Variants in WWOX observed in about 807,000 individuals in gnomAD.
WWOX encodes WW domain-containing oxidoreductase.
Under a neutral mutation model 46.2 loss-of-function variants are expected in WWOX, and 69 were observed. The observed-to-expected ratio is 1.49, with a 90% CI of 1.23 to 1.82. The LOEUF (loss-of-function observed/expected upper bound fraction) is 1.82, where lower values mean the gene tolerates loss of function less well. Ranked by LOEUF, WWOX falls within the 40% of genes most tolerant of loss-of-function variation. The probability of loss-of-function intolerance (pLI) is 0.00; values close to 1 mark genes in which losing one functional copy is unlikely to be tolerated. For synonymous variants in WWOX, 359 were observed against 202.6 expected (o/e 1.77, Z -6.56); for missense variants, 919 against 542.6 (o/e 1.69, Z -6.89).
chr16:79,066,487 A>G (rs2048444112), intron 8 of WWOX, among the ~76,000 whole-genome samples: 1 of 152,156 alleles, frequency 6.6e-6, no homozygotes, highest in African/African-American at 2.4e-5. Flanking sequence ...GAAGGACAGA[A>G]GGAAGGAAGG....
chr16:78,154,332 A>G (rs2034521536), intron 4 of WWOX, among the ~76,000 whole-genome samples: 2 of 152,126 alleles, frequency 1.3e-5, no homozygotes, highest in South Asian at 2.1e-4. Context: ...AAATAATAAT[A>G]TGAATAATAA....
At chr16:78,650,992 T>A (rs923985381) in intron 8 of WWOX, among the ~76,000 whole-genome samples, 2 of 152,232 alleles carry the variant, frequency 1.3e-5, no homozygotes, top group Non-Finnish European at 2.9e-5. Context: ...TTCGTAAGCT[T>A]AGGACTGATA....
intron 8 of WWOX, among the ~76,000 whole-genome samples, chr16:78,983,626 A>G (rs534781437): frequency 6.6e-6 from 1 of 152,102 alleles, no homozygotes. Flanking sequence ...TCCTGGTGTT[A>G]GATTTGGCCT....
intron 8 of WWOX, among the ~76,000 whole-genome samples, chr16:79,178,710 G>C (rs4888937): frequency 0.53 from 80,513 of 151,604 alleles, 22,081 homozygotes; most frequent in East Asian, 0.91. Flanking sequence ...CAAAGGTATG[G>C]GATGTGCCTA....
At chr16:78,132,031 T>C (rs1467606233) in intron 4 of WWOX, among the ~76,000 whole-genome samples, 1 of 149,104 alleles carries the variant, frequency 6.7e-6, no homozygotes, top group Non-Finnish European at 1.5e-5. Flanking sequence ...CTTTTTCTTT[T>C]TTTTTTTTTT....
chr16:78,145,093 G>A (rs2034152992), intron 4 of WWOX, among the ~76,000 whole-genome samples: 1 of 152,156 alleles, frequency 6.6e-6, no homozygotes, highest in Non-Finnish European at 1.5e-5. Context: ...TAGTTCTGTA[G>A]GCCAGAAGGT....
intron 8 of WWOX, among the ~76,000 whole-genome samples, chr16:78,997,282 A>T (rs2047009567): frequency 6.6e-6 from 1 of 152,178 alleles, no homozygotes; most frequent in Admixed American, 6.5e-5. Flanking sequence ...GTTATAATAT[A>T]AGGTCCTTTC....
chr16:78,221,388 A>G (rs1169043733), intron 5 of WWOX, among the ~76,000 whole-genome samples: 4 of 152,224 alleles, frequency 2.6e-5, no homozygotes, highest in African/African-American at 7.2e-5. Flanking sequence ...AACTTCCTCT[A>G]GCTTTCTTGT....
At chr16:78,325,653 C>A (rs557117197) in intron 5 of WWOX, among the ~76,000 whole-genome samples, 2 of 152,330 alleles carry the variant, frequency 1.3e-5, no homozygotes, top group South Asian at 4.1e-4. Flanking sequence ...CGTTTGGCAG[C>A]TTGATTAATT....
At chr16:78,140,812 T>C (rs1384497570) in intron 4 of WWOX, among the ~76,000 whole-genome samples, 1 of 152,194 alleles carries the variant, frequency 6.6e-6, no homozygotes, top group Non-Finnish European at 1.5e-5. Flanking sequence ...TCAACATATC[T>C]TTTTGGGGGG....
At chr16:78,807,527 G>C (rs2051074235) in intron 8 of WWOX, among the ~76,000 whole-genome samples, 1 of 152,222 alleles carries the variant, frequency 6.6e-6, no homozygotes, top group South Asian at 2.1e-4. Flanking sequence ...CTTCTACATG[G>C]ATTCTAATTA....
At chr16:78,846,820 A>C (rs534992868) in intron 8 of WWOX, among the ~76,000 whole-genome samples, 1 of 152,288 alleles carries the variant, frequency 6.6e-6, no homozygotes, top group African/African-American at 2.4e-5. Flanking sequence ...TGGTATTCTC[A>C]TGACTGATAT....
intron 8 of WWOX, among the ~76,000 whole-genome samples, chr16:79,121,552 C>T (rs897491007): frequency 6.6e-6 from 1 of 152,102 alleles, no homozygotes; most frequent in South Asian, 2.1e-4. Context: ...CTTCCAGGGA[C>T]TCGGGAGGCC....
intron 8 of WWOX, among the ~76,000 whole-genome samples, chr16:79,079,413 C>T (rs1057226286): frequency 1.3e-5 from 2 of 152,220 alleles, no homozygotes; most frequent in African/African-American, 4.8e-5. Flanking sequence ...GGTATCCATT[C>T]ATCCATCCAT....
At chr16:78,322,647 G>C (rs1473873311) in intron 5 of WWOX, among the ~76,000 whole-genome samples, 1 of 152,216 alleles carries the variant, frequency 6.6e-6, no homozygotes, top group Non-Finnish European at 1.5e-5. Context: ...ACCAGGTGTG[G>C]CTACCTCCAA....
intron 8 of WWOX, among the ~76,000 whole-genome samples, chr16:78,480,128 C>G (rs531354054): frequency 2.0e-5 from 3 of 152,150 alleles, no homozygotes; most frequent in African/African-American, 7.2e-5. Context: ...ATGGTAGCCA[C>G]GTGTGACTAT....
intron 6 of WWOX, among the ~76,000 whole-genome samples, chr16:78,407,303 T>C (rs370593713): frequency 1.6e-4 from 25 of 152,190 alleles, no homozygotes; most frequent in African/African-American, 6.0e-4. Flanking sequence ...TGCAGCTTAG[T>C]TGAGAAATGC....
intron 8 of WWOX, among the ~76,000 whole-genome samples, chr16:78,451,206 C>T (rs1306464446): frequency 1.3e-5 from 2 of 152,158 alleles, no homozygotes; most frequent in East Asian, 3.8e-4. Context: ...TCACCTTTGG[C>T]AAGTCCTCCT....
chr16:78,296,480 A>G (rs2079945999), intron 5 of WWOX, among the ~76,000 whole-genome samples: 1 of 151,352 alleles, frequency 6.6e-6, no homozygotes, highest in Non-Finnish European at 1.5e-5. Flanking sequence ...GTTTTCTAAT[A>G]CATGAAACCA....
Sources: gnomAD v4.1 joint callset for allele counts (sites outside exome capture counted in the v4.1 genomes callset) on GRCh38, gnomAD v4.1.1 for gene constraint, MANE v1.5 for transcripts, NCBI Gene and HGNC (gene_info 2026-07-23, HGNC 2026-07-21) for gene names.